The following SHROOM3 variants were observed in gnomAD, a reference collection of about 807,000 sequenced individuals.
SHROOM3 encodes the protein shroom family member 3, also known as protein Shroom3.
Under a neutral mutation model 138.6 loss-of-function variants are expected in SHROOM3, and 47 were observed. The observed-to-expected ratio is 0.34, with a 90% CI of 0.27 to 0.43. The LOEUF is 0.43. Among genes scored for constraint, SHROOM3 ranks in the 20% least tolerant of loss-of-function variants. The pLI, the probability that SHROOM3 is intolerant of heterozygous loss-of-function variation, is 1.00. For missense variants in SHROOM3, 2,491 were observed against 2,596.5 expected (o/e 0.96, Z 0.88); for synonymous variants, 1,062 against 1,063.3 (o/e 1.00, Z 0.02).
At chr4:76,481,862 A>G (rs184324084) in intron 1 of SHROOM3, among the ~76,000 whole-genome samples, 33 of 152,332 alleles carry the variant, frequency 2.2e-4, no homozygotes, top group African/African-American at 7.7e-4. Flanking sequence ...GCACAAATCA[A>G]TAAACGTAGT....
At position 76,681,594 on chromosome 4, in the gene SHROOM3, G is replaced by GGTGTGTGTGTGTGTGTGT. The variant is rs558707266; in HGVS notation, c.324-28539_324-28522dup. ...TGTAAGAAGCTTAGGCAGAGTCTAGGGTGTGTGTGTGTGTGTGTGTGTGTG... is the reference window on the plus strand; with the variant it reads ...TGTAAGAAGCTTAGGCAGAGTCTAGGGTGTGTGTGTGTGTGTGTGTGTGTGTGTGTGTGTGTGTGTGTG... On this transcript the variant is annotated intron_variant, in intron 2 of 10. Coordinates refer to ENST00000296043, the MANE Select transcript of SHROOM3 (RefSeq NM_020859.4). Among the ~76,000 whole-genome samples the GGTGTGTGTGTGTGTGTGT allele has an allele frequency of 6.6e-3, 530 of 80,846 alleles. 11 individuals are homozygous for GGTGTGTGTGTGTGTGTGT. The highest frequency in any genetic ancestry group is 7.6e-3 in the Non-Finnish European group (338 of 44,196). 53.0% of individuals were successfully genotyped at this position (80,846 alleles called of 152,430 possible). A position where few individuals can be genotyped will look rare whatever the true frequency, so the allele number is the denominator to read the frequency against.
At chr4:76,568,699 T>G (rs1733777602) in intron 2 of SHROOM3, among the ~76,000 whole-genome samples, 1 of 152,188 alleles carries the variant, frequency 6.6e-6, no homozygotes, top group Non-Finnish European at 1.5e-5. Flanking sequence ...CACCCTTCTC[T>G]CTGTCCTCAG....
At chr4:76,759,458 C>G in intron 8 of SHROOM3, 87 bp from the exon 9 acceptor site, 1 of 1,503,420 alleles carries the variant, frequency 6.7e-7, no homozygotes, top group Non-Finnish European at 9.2e-7. Context: ...AGAATTGTTA[C>G]GCACTTCTGA....
chr4:76,763,519 C>T (rs182590853), intron 9 of SHROOM3, among the ~76,000 whole-genome samples: 48 of 152,144 alleles, frequency 3.2e-4, no homozygotes, highest in Admixed American at 2.4e-3. Flanking sequence ...GAACCAAGAT[C>T]GTGCCACTCC....
intron 1 of SHROOM3, among the ~76,000 whole-genome samples, chr4:76,524,054 G>A (rs1732628214): frequency 6.6e-6 from 1 of 152,362 alleles, no homozygotes; most frequent in African/African-American, 2.4e-5. Flanking sequence ...GGTGGGACAA[G>A]CGGACAAGCC....
chr4:76,479,623 A>G (rs1402895778), intron 1 of SHROOM3, among the ~76,000 whole-genome samples: 2 of 152,160 alleles, frequency 1.3e-5, no homozygotes, highest in Non-Finnish European at 2.9e-5. Context: ...TTCAGGAAAT[A>G]CAGAGAATAC....
At chr4:76,574,754 T>C (rs1733904280) in intron 2 of SHROOM3, among the ~76,000 whole-genome samples, 1 of 152,108 alleles carries the variant, frequency 6.6e-6, no homozygotes, top group Admixed American at 6.5e-5. Context: ...ATTCCACTTG[T>C]ATAAGGTACC....
chr4:76,559,643 C>T (rs1324597943), intron 2 of SHROOM3: 1 of 152,168 alleles, frequency 6.6e-6, no homozygotes, highest in Non-Finnish European at 1.5e-5. Context: ...AGGGCGGCAC[C>T]TCATGTCAGG....
chr4:76,640,068 C>T (rs1369905188), intron 2 of SHROOM3, among the ~76,000 whole-genome samples: 1 of 151,982 alleles, frequency 6.6e-6, no homozygotes, highest in African/African-American at 2.4e-5. Flanking sequence ...ATGTTGCTAA[C>T]ATTTTTGTCA....
chr4:76,437,322 CG>C (rs1414887028), intron 1 of SHROOM3, among the ~76,000 whole-genome samples: 1 of 152,012 alleles, frequency 6.6e-6, no homozygotes, highest in African/African-American at 2.4e-5. Context: ...AATTCAAAAC[CG>C]AGTTTATAGT....
chr4:76,606,007 A>ATTT (rs1164704632), intron 2 of SHROOM3, among the ~76,000 whole-genome samples: 158 of 77,820 alleles, frequency 2.0e-3, no homozygotes, highest in Middle Eastern at 9.3e-3. Context: ...ATATATATAT[A>ATTT]TTTTTTTTTT....
chr4:76,632,094 A>T (rs1040011797), intron 2 of SHROOM3, among the ~76,000 whole-genome samples: 4 of 152,148 alleles, frequency 2.6e-5, no homozygotes, highest in African/African-American at 9.7e-5. Flanking sequence ...TGTAGAGTAG[A>T]GGTTGAGGGG....
intron 2 of SHROOM3, among the ~76,000 whole-genome samples, chr4:76,603,888 G>C (rs1377321019): frequency 6.9e-6 from 1 of 145,122 alleles, no homozygotes; most frequent in Non-Finnish European, 1.5e-5. Context: ...TGTCTCCCAG[G>C]CTGGAGTGCA....
intron 2 of SHROOM3, among the ~76,000 whole-genome samples, chr4:76,633,332 CA>C (rs56002974): frequency 0.058 from 4,902 of 83,824 alleles, 36 homozygotes; most frequent in Non-Finnish European, 0.081. Context: ...GACTCAGTCT[CA>C]AAAAAAAAAA....
chr4:76,570,469 C>T (rs538795143), intron 2 of SHROOM3, among the ~76,000 whole-genome samples: 2 of 152,296 alleles, frequency 1.3e-5, no homozygotes, highest in African/African-American at 4.8e-5. Flanking sequence ...ATTCAAGGCC[C>T]TTTCAACCTT....
At chr4:76,549,040 C>T (rs1307126567) in intron 1 of SHROOM3, among the ~76,000 whole-genome samples, 1 of 152,188 alleles carries the variant, frequency 6.6e-6, no homozygotes, top group Non-Finnish European at 1.5e-5. Context: ...GCTTCATTTT[C>T]CACTGAATCT....
In SHROOM3 at chr4:76,740,816, G is replaced by T. The variant is rs756455284; in HGVS notation, c.2643G>T (p.Pro881=). 6.2e-7 allele frequency: 1 copy of T among 1,604,840 alleles called. No homozygotes were observed. The highest frequency in any genetic ancestry group is 2.2e-5 in the East Asian group (1 of 44,756). Residue 881 remains proline, a synonymous_variant, in exon 5 of 11, where the codon CCG becomes CCT. Coordinates refer to ENST00000296043, the MANE Select transcript of SHROOM3 (RefSeq NM_020859.4). The surrounding 1 kb of genome is among the most constrained non-coding windows in gnomAD (Gnocchi z 4.0). ...ASDSGRGPQR[P]DARLLRSQST... is the part of the protein sequence containing the mutation. ...ACAGCGGCCGTGGCCCCCAGAGGCC[G>T]GACGCTCGGCTCCTCCGTAGCCAGA...
intron 1 of SHROOM3, among the ~76,000 whole-genome samples, chr4:76,537,235 A>G (rs2110018672): frequency 6.6e-6 from 1 of 152,346 alleles, no homozygotes; most frequent in South Asian, 2.1e-4. Context: ...GTAGATGTGT[A>G]CATGGACATT....
rs191977479 is a variant in SHROOM3, at chr4:76,460,141, T to C, written c.168+23921T>C. On this transcript the variant is annotated intron_variant, in intron 1 of 10. Transcript: ENST00000296043. ...ATCAAAAGAGATTACTTTTTTAATA[T>C]TGTTTGCCCAAGGGAAAGTGTTGAG... Among the ~76,000 whole-genome samples the C allele has an allele frequency of 2.0e-5, 3 of 152,354 alleles. No individual in the cohort carries two copies. In the East Asian group the frequency reaches 5.8e-4, roughly 29 times the overall value.
Sources: allele counts gnomAD v4.1 joint callset (sites outside exome capture counted in the v4.1 genomes callset), GRCh38; gene constraint gnomAD v4.1.1; non-coding constraint Gnocchi (gnomAD v3.1); transcripts MANE v1.5; gene names NCBI Gene and HGNC (gene_info 2026-07-23, HGNC 2026-07-21).